FBXW8: variants seen among roughly 807,000 people sequenced by gnomAD.
FBXW8 encodes F-box and WD repeat domain containing 8.
FBXW8 carries 57 observed loss-of-function variants against 65.3 expected under a neutral mutation model. The observed-to-expected ratio is 0.87, with a 90% CI of 0.71 to 1.09. FBXW8 has a LOEUF of 1.09. FBXW8 is among the 50% of genes least tolerant of loss of function. The pLI, the probability that FBXW8 is intolerant of heterozygous loss-of-function variation, is 0.00. For synonymous variants in FBXW8, 308 were observed against 330.2 expected (o/e 0.93, Z 0.73); for missense variants, 777 against 814.8 (o/e 0.95, Z 0.57).
At position 116,992,985 on chromosome 12, in the gene FBXW8, C is replaced by G. The variant is rs536396246; in HGVS notation, c.1239+4116C>G. 4.0e-5 allele frequency among the ~76,000 whole-genome samples: 6 copies of G among 151,708 alleles called. No homozygotes were observed. The East Asian group carries it at 1.2e-3, about 29-fold the overall frequency. ...AAATGGCAGATCTGCTTTTAGTTAT[C>G]TGAGAAATCTCCATACTGTTTTCCA... On this transcript the variant is annotated intron_variant, in intron 7 of 10. Transcript: ENST00000652555.
At chr12:116,926,838 G>A (rs942596969) in intron 1 of FBXW8, among the ~76,000 whole-genome samples, 4 of 151,978 alleles carry the variant, frequency 2.6e-5, no homozygotes, top group Non-Finnish European at 5.9e-5. Flanking sequence ...TTTTAGCCCC[G>A]AGACTTCTAG....
chr12:116,914,789 C>A (rs1880268082), intron 1 of FBXW8, among the ~76,000 whole-genome samples: 1 of 152,108 alleles, frequency 6.6e-6, no homozygotes, highest in African/African-American at 2.4e-5. Context: ...GCAGGAGAAT[C>A]TCTTGAACCC....
At chr12:116,947,470 C>T (rs373975508) in intron 3 of FBXW8, among the ~76,000 whole-genome samples, 2 of 152,044 alleles carry the variant, frequency 1.3e-5, no homozygotes, top group East Asian at 1.9e-4. Context: ...AAAGGCGGCC[C>T]GGCACCGTGG....
intron 2 of FBXW8, among the ~76,000 whole-genome samples, chr12:116,933,562 C>A (rs555307357): frequency 5.3e-5 from 8 of 152,180 alleles, no homozygotes; most frequent in Non-Finnish European, 1.0e-4. Flanking sequence ...CACCAGAATT[C>A]TTCCCTCTAT....
At position 116,968,818 on chromosome 12, in the gene FBXW8, TA is replaced by T. The variant is rs528597369; in HGVS notation, c.835+3974del. 5.7e-3 allele frequency among the ~76,000 whole-genome samples: 858 copies of T among 150,188 alleles called. 14 individuals are homozygous for T. Among genetic ancestry groups the T allele is most frequent in the African/African-American group, 0.019 (801 of 41,144 alleles). On this transcript the variant is annotated intron_variant, in intron 5 of 10. Coordinates refer to ENST00000652555, the MANE Select transcript of FBXW8 (RefSeq NM_153348.3). ...TCTCTTAATGTGAGAAAGGTTAAAT[TA>T]AAAAAAAAATGTGTACCTGCTACTT...
At chr12:116,946,535 C>G (rs1190796968) in intron 3 of FBXW8, among the ~76,000 whole-genome samples, 2 of 152,106 alleles carry the variant, frequency 1.3e-5, no homozygotes, top group African/African-American at 2.4e-5. Context: ...CTTCCTCCCC[C>G]AAGTCATGAC....
chr12:116,966,379 A>G (rs1437550311), intron 5 of FBXW8, among the ~76,000 whole-genome samples: 1 of 152,210 alleles, frequency 6.6e-6, no homozygotes, highest in Non-Finnish European at 1.5e-5. Context: ...CACACACACG[A>G]ACATGCACAC....
At chr12:116,985,506 C>T in intron 6 of FBXW8, 104 bp downstream of exon 6, 3 of 1,112,598 alleles carry the variant, frequency 2.7e-6, no homozygotes, top group South Asian at 3.2e-5. Flanking sequence ...CTCAGAGCTT[C>T]CTGCGGGCCT....
chr12:116,959,375 G>A (rs202059355), intron 4 of FBXW8, among the ~76,000 whole-genome samples: 4 of 152,124 alleles, frequency 2.6e-5, no homozygotes, highest in African/African-American at 9.7e-5. Context: ...AGAGTGGCTT[G>A]TTGGCTAAGC....
chr12:116,922,909 C>T (rs1308802777), intron 1 of FBXW8, among the ~76,000 whole-genome samples: 1 of 151,894 alleles, frequency 6.6e-6, no homozygotes, highest in African/African-American at 2.4e-5. Context: ...GCATGAGGAT[C>T]GCCTGAGAAA....
intron 4 of FBXW8, among the ~76,000 whole-genome samples, chr12:116,952,426 A>G (rs1481954267): frequency 6.6e-6 from 1 of 152,188 alleles, no homozygotes; most frequent in Non-Finnish European, 1.5e-5. Context: ...AAGGTTGTGC[A>G]ACCAACACCA....
chr12:116,948,675 TGTGGCCTATC>T (rs1475328373), intron 3 of FBXW8: 3 of 152,254 alleles, frequency 2.0e-5, no homozygotes, highest in Non-Finnish European at 4.4e-5. Flanking sequence ...ATGCTTGCTT[TGTGGCCTATC>T]TCACTTTTCC....
intron 1 of FBXW8, among the ~76,000 whole-genome samples, chr12:116,912,373 A>G (rs1880032077): frequency 6.6e-6 from 1 of 151,484 alleles, no homozygotes; most frequent in Non-Finnish European, 1.5e-5. Flanking sequence ...ATTTTTTGGT[A>G]GAGACAAGGT....
chr12:116,944,025 G>A (rs1380106147), intron 2 of FBXW8, among the ~76,000 whole-genome samples: 1 of 152,180 alleles, frequency 6.6e-6, no homozygotes, highest in Non-Finnish European at 1.5e-5. Context: ...CTCTAAACTT[G>A]TCTGGCCTCT....
At chr12:116,996,947 C>T (rs538252445) in intron 7 of FBXW8, among the ~76,000 whole-genome samples, 4 of 152,214 alleles carry the variant, frequency 2.6e-5, no homozygotes, top group South Asian at 4.1e-4. Context: ...GAGATGGAAA[C>T]GAGGTCATAA....
rs766599677 is a variant in FBXW8 at position 116,985,206 on chromosome 12, G to C, written c.836G>C (p.Gly279Ala). ...SSLAVAAYED[G>A]FLNIWDLRTG... is the part of the protein sequence containing the mutation. ...ACCTGCATTGTTTCTTGCTGCATAG[G>C]GTTTCTTAATATTTGGGATTTAAGG... The change falls in exon 6 of 11, where the codon GGG becomes GCG. Residue 279 changes from glycine (G) to alanine (A), a missense_variant and splice_region_variant. Transcript: ENST00000652555. 2.5e-6 allele frequency: 4 copies of C among 1,595,452 alleles called. No individual in the cohort carries two copies. The highest frequency in any genetic ancestry group is 3.4e-6 in the Non-Finnish European group (4 of 1,172,732).
At chr12:116,950,860 C>T (rs889296335) in intron 4 of FBXW8, 3 of 152,314 alleles carry the variant, frequency 2.0e-5, no homozygotes, top group Non-Finnish European at 2.9e-5. Flanking sequence ...TTTCTACCCA[C>T]GGATGCTACA....
At chr12:116,946,681 C>G (rs995472478) in intron 3 of FBXW8, among the ~76,000 whole-genome samples, 3 of 152,114 alleles carry the variant, frequency 2.0e-5, no homozygotes, top group Non-Finnish European at 2.9e-5. Context: ...AGACAGGTCA[C>G]GCTGGCCCCA....
chr12:117,024,760 T>C (rs954359519), intron 9 of FBXW8, among the ~76,000 whole-genome samples: 1 of 152,046 alleles, frequency 6.6e-6, no homozygotes, highest in African/African-American at 2.4e-5. Context: ...GCCCAGCTGC[T>C]GTCCTCCACT....
Sources: gnomAD v4.1 joint callset for allele counts (sites outside exome capture counted in the v4.1 genomes callset) on GRCh38, gnomAD v4.1.1 for gene constraint, MANE v1.5 for transcripts, NCBI Gene and HGNC (gene_info 2026-07-23, HGNC 2026-07-21) for gene names.